LRIF1: variants seen among roughly 807,000 people sequenced by gnomAD.
LRIF1 encodes ligand-dependent nuclear receptor-interacting factor 1.
In LRIF1, 32 loss-of-function variants were observed where a neutral mutation model predicts 52.7. The ratio of observed to expected loss-of-function variants is 0.61; its 90% CI spans 0.46 to 0.82. The LOEUF (loss-of-function observed/expected upper bound fraction) is 0.82, where lower values mean the gene tolerates loss of function less well. LRIF1 is among the 40% of genes least tolerant of loss of function. LRIF1 has a pLI of 0.00. For missense variants in LRIF1, 887 were observed against 892.0 expected (o/e 0.99, Z 0.07); for synonymous variants, 323 against 317.4 (o/e 1.02, Z -0.19).
At chr1:110,921,043 A>G in the LRIF1 span, among the ~76,000 whole-genome samples, 8,711 of 152,266 alleles carry the variant, frequency 0.057, 288 homozygotes, top group East Asian at 0.14. Flanking sequence ...GGCAAGTACA[A>G]ATGAACATGA....
chr1:110,911,003 AGAGCT>A, the LRIF1 span, among the ~76,000 whole-genome samples: 1 of 152,232 alleles, frequency 6.6e-6, no homozygotes, highest in East Asian at 1.9e-4. Context: ...AACCAAAATC[AGAGCT>A]GAGGTAAATG....
the LRIF1 span, among the ~76,000 whole-genome samples, chr1:110,929,050 A>C: frequency 1.3e-5 from 2 of 152,170 alleles, no homozygotes; most frequent in African/African-American, 4.8e-5. Context: ...GCTTCCTTAT[A>C]TCCCTCACTG....
chr1:110,953,834 T>C (rs1290474765), intron 1 of LRIF1, among the ~76,000 whole-genome samples: 1 of 152,204 alleles, frequency 6.6e-6, no homozygotes, highest in East Asian at 1.9e-4. Context: ...ATGATATTTC[T>C]CAAGAGATAC....
chr1:110,944,618 G>A (rs1012263330), downstream of LRIF1: 1 of 152,196 alleles, frequency 6.6e-6, no homozygotes, highest in East Asian at 1.9e-4. Context: ...TAGTCAATGA[G>A]GCAGAAGTGT....
In LRIF1 at chr1:110,963,821, T is replaced by C. The variant is rs781749333; in HGVS notation, c.-133A>G. The C allele has an allele frequency of 2.0e-5, 13 of 638,762 alleles. No homozygotes were observed. The highest frequency in any genetic ancestry group is 3.3e-5 in the Non-Finnish European group (12 of 366,022). The allele number at this position is 638,762 out of a possible 1,614,324, so 39.6% of individuals were successfully genotyped here. Reference sequence around the variant, plus strand: ...CACAGCAACTGTGAGGGGTTCGACCTTAACGGAGGGCGACAGCGGGCTCTC... The same window carrying C: ...CACAGCAACTGTGAGGGGTTCGACCCTAACGGAGGGCGACAGCGGGCTCTC... On this transcript the variant is annotated 5_prime_UTR_variant, in exon 1 of 4. Coordinates refer to ENST00000369763, the MANE Select transcript of LRIF1 (RefSeq NM_018372.4).
At chr1:110,938,827 A>T in the LRIF1 span, 7 of 152,328 alleles carry the variant, frequency 4.6e-5, no homozygotes, top group East Asian at 5.8e-4. Flanking sequence ...TCCACCAAAA[A>T]ACTATTAGAA....
chr1:110,891,313 T>A, the LRIF1 span: 23 of 978,736 alleles, frequency 2.3e-5, no homozygotes, highest in African/African-American at 3.3e-4. Context: ...ATGCTAGAGA[T>A]CCCTGAACAT....
chr1:110,951,146 C>T, intron 2 of LRIF1, 142 bp downstream of exon 2: 2 of 667,872 alleles, frequency 3.0e-6, no homozygotes, highest in East Asian at 2.8e-5. Context: ...GAAGTTTTGA[C>T]TTAAATACTC....
At chr1:110,894,329 C>T in the LRIF1 span, 5 of 1,613,920 alleles carry the variant, frequency 3.1e-6, no homozygotes, top group Non-Finnish European at 4.2e-6. Flanking sequence ...TGTCCCAGTT[C>T]TTCATCCTGC....
the LRIF1 span, among the ~76,000 whole-genome samples, chr1:110,896,485 A>G: frequency 6.6e-6 from 1 of 152,212 alleles, no homozygotes; most frequent in East Asian, 1.9e-4. Flanking sequence ...ATGAAATGGT[A>G]TAACAGATTA....
chr1:110,876,480 A>G, the LRIF1 span, among the ~76,000 whole-genome samples: 20 of 152,190 alleles, frequency 1.3e-4, no homozygotes, highest in Admixed American at 7.2e-4. Flanking sequence ...TTATTTTCCA[A>G]ACCTTTTTGT....
intron 3 of LRIF1, 87 bp downstream of exon 3, chr1:110,949,764 C>T: frequency 7.3e-7 from 1 of 1,364,128 alleles, no homozygotes; most frequent in Non-Finnish European, 1.0e-6. Flanking sequence ...TATACTAATG[C>T]ACAAGGGTTA....
chr1:110,895,850 T>C, the LRIF1 span, among the ~76,000 whole-genome samples: 1 of 152,212 alleles, frequency 6.6e-6, no homozygotes, highest in East Asian at 1.9e-4. Flanking sequence ...CTTTTTTCGT[T>C]AGAATATGTT....
chr1:110,958,935 T>C (rs1658832347), intron 1 of LRIF1, among the ~76,000 whole-genome samples: 1 of 152,230 alleles, frequency 6.6e-6, no homozygotes, highest in Admixed American at 6.5e-5. Flanking sequence ...TAAGAAGTAA[T>C]AACTCAGGAT....
chr1:110,895,485 T>C, the LRIF1 span, among the ~76,000 whole-genome samples: 35 of 152,276 alleles, frequency 2.3e-4, no homozygotes, highest in African/African-American at 8.4e-4. Context: ...AACGTGTATA[T>C]GTACAGCATA....
the LRIF1 span, among the ~76,000 whole-genome samples, chr1:110,879,873 G>A: frequency 2.6e-5 from 4 of 152,124 alleles, no homozygotes; most frequent in Non-Finnish European, 4.4e-5. Context: ...GAGCCTGATC[G>A]AGGTTCTTGA....
the LRIF1 span, among the ~76,000 whole-genome samples, chr1:110,935,894 C>T: frequency 6.6e-6 from 1 of 151,550 alleles, no homozygotes; most frequent in African/African-American, 2.4e-5. Context: ...TACCTCAAGG[C>T]ATTTAATAAT....
the LRIF1 span, chr1:110,891,507 C>G: frequency 6.6e-7 from 1 of 1,511,748 alleles, no homozygotes; most frequent in Non-Finnish European, 9.2e-7. Context: ...TTTAGCTCAC[C>G]TTTACCCAGC....
the LRIF1 span, among the ~76,000 whole-genome samples, chr1:110,883,358 G>C: frequency 6.6e-6 from 1 of 151,878 alleles, no homozygotes; most frequent in East Asian, 1.9e-4. Flanking sequence ...TAATTAAGTA[G>C]TTTTTTCAAT....
Sources: gnomAD v4.1 joint callset for allele counts (sites outside exome capture counted in the v4.1 genomes callset) on GRCh38, gnomAD v4.1.1 for gene constraint, MANE v1.5 for transcripts, NCBI Gene and HGNC (gene_info 2026-07-23, HGNC 2026-07-21) for gene names.